PTP4A1: variants seen among roughly 807,000 people sequenced by gnomAD.
PTP4A1 encodes protein tyrosine phosphatase type IVA 1.
PTP4A1 carries 9 observed loss-of-function variants against 20.5 expected under a neutral mutation model. That is an observed-to-expected ratio of 0.44 (90% CI 0.26 to 0.77). PTP4A1 has a LOEUF of 0.77. Ranked by LOEUF, PTP4A1 falls within the 30% of genes least tolerant of loss-of-function variation. The probability of loss-of-function intolerance (pLI) is 0.19; values close to 1 mark genes in which losing one functional copy is unlikely to be tolerated. For missense variants in PTP4A1, 137 were observed against 218.8 expected (o/e 0.63, Z 2.36); for synonymous variants, 78 against 67.4 (o/e 1.16, Z -0.77).
upstream of PTP4A1, among the ~76,000 whole-genome samples, chr6:63,517,170 A>G (rs556129818): frequency 8.2e-4 from 125 of 152,316 alleles, no homozygotes; most frequent in Admixed American, 1.2e-3. Flanking sequence ...AAACAAGGAT[A>G]ATATTATGGT....
chr6:63,534,253 C>A (rs773543146), intron 2 of PTP4A1, among the ~76,000 whole-genome samples: 3 of 152,108 alleles, frequency 2.0e-5, no homozygotes, highest in Non-Finnish European at 4.4e-5. Context: ...CATGGTTTAA[C>A]AGTGTAACTG....
At chr6:63,565,277 A>G (rs1169710814) in intron 3 of PTP4A1, among the ~76,000 whole-genome samples, 1 of 152,078 alleles carries the variant, frequency 6.6e-6, no homozygotes, top group Non-Finnish European at 1.5e-5. Context: ...AGTAAATACT[A>G]TATTAAGCGG....
At position 63,581,823 on chromosome 6, in the gene PTP4A1, A is replaced by G. The variant is rs891938529; in HGVS notation, c.*1649A>G. 1 of 152,176 alleles carries G rather than the reference A, an allele frequency of 6.6e-6. No homozygotes were observed. The highest frequency in any genetic ancestry group is 2.4e-5 in the African/African-American group (1 of 41,460). 9.4% of individuals were successfully genotyped at this position (152,176 alleles called of 1,614,324 possible). On this transcript the variant is annotated 3_prime_UTR_variant, in exon 6 of 6. Transcript: ENST00000626021. ...TGCAAATTAATAATTACATACCTTTATAGATTTTGAAATTAATTTAAATAT... is the reference window on the plus strand; with the variant it reads ...TGCAAATTAATAATTACATACCTTTGTAGATTTTGAAATTAATTTAAATAT...
intron 3 of PTP4A1, among the ~76,000 whole-genome samples, chr6:63,555,692 C>A (rs368608952): frequency 1.9e-3 from 263 of 135,014 alleles, no homozygotes; most frequent in African/African-American, 7.0e-3. Context: ...CAATTACACT[C>A]TTTTTTTTTT....
chr6:63,570,755 T>C (rs936602777), upstream of PTP4A1, among the ~76,000 whole-genome samples: 2 of 152,270 alleles, frequency 1.3e-5, no homozygotes, highest in Non-Finnish European at 2.9e-5. Flanking sequence ...ATATGTGCTT[T>C]TTAACTACAC....
At chr6:63,579,189 T>C (rs1778061990) in intron 4 of PTP4A1, 68 bp from the exon 5 acceptor site, 1 of 1,502,498 alleles carries the variant, frequency 6.7e-7, no homozygotes, top group Non-Finnish European at 9.1e-7. Flanking sequence ...TTGGGGAATG[T>C]TTGGAGAAAT....
At chr6:63,519,987 G>C (rs1270730465), upstream of PTP4A1, among the ~76,000 whole-genome samples, 1 of 152,178 alleles carries the variant, frequency 6.6e-6, no homozygotes, top group African/African-American at 2.4e-5. Context: ...GTATAAACCT[G>C]TAGACTGATT....
chr6:63,578,674 A>G, intron 3 of PTP4A1, 145 bp downstream of exon 3: 10 of 1,302,144 alleles, frequency 7.7e-6, no homozygotes, highest in Non-Finnish European at 1.0e-5. Context: ...CAGAATCTTA[A>G]TTTCTAAATA....
In PTP4A1 at chr6:63,583,305, CTTAAA is replaced by C. The variant is rs750167521; in HGVS notation, c.*3136_*3140del. 7 of 152,152 alleles carry C rather than the reference CTTAAA, an allele frequency of 4.6e-5. No homozygotes were observed. Among genetic ancestry groups the C allele is most frequent in the Admixed American group, 1.3e-4 (2 of 15,268 alleles). 9.4% of individuals were successfully genotyped at this position (152,152 alleles called of 1,614,324 possible). On this transcript the variant is annotated 3_prime_UTR_variant, in exon 6 of 6. Transcript: ENST00000626021. ...TGTTAATATTCTACATTCTTGCTTC[CTTAAA>C]TTAATATGTTTGTGTGTATATATGT... is the stretch of plus-strand genomic sequence containing the variant.
chr6:63,552,794 C>A (rs1047790560), intron 3 of PTP4A1, among the ~76,000 whole-genome samples: 1 of 152,132 alleles, frequency 6.6e-6, no homozygotes, highest in South Asian at 2.1e-4. Flanking sequence ...AATAGGGAAA[C>A]CTTTCCCCAT....
chr6:63,574,666 C>T (rs2149511919), intron 1 of PTP4A1, among the ~76,000 whole-genome samples: 1 of 152,138 alleles, frequency 6.6e-6, no homozygotes, highest in South Asian at 2.1e-4. Context: ...GAAATACTGC[C>T]TCAAATTAGC....
chr6:63,552,231 G>C (rs1776480257), intron 3 of PTP4A1, among the ~76,000 whole-genome samples: 1 of 152,324 alleles, frequency 6.6e-6, no homozygotes, highest in South Asian at 2.1e-4. Context: ...CATTCTAACT[G>C]GTGTGAGATG....
chr6:63,538,069 A>G (rs1775798893), intron 2 of PTP4A1, among the ~76,000 whole-genome samples: 1 of 152,262 alleles, frequency 6.6e-6, no homozygotes, highest in African/African-American at 2.4e-5. Context: ...TTATTTTGCA[A>G]AATAGTGGGA....
intron 2 of PTP4A1, among the ~76,000 whole-genome samples, chr6:63,535,245 A>G (rs952631490): frequency 6.6e-6 from 1 of 152,154 alleles, no homozygotes; most frequent in African/African-American, 2.4e-5. Context: ...AGGGCAAATC[A>G]CTTGAGGCCA....
At chr6:63,556,917 C>T (rs1261789062) in intron 3 of PTP4A1, among the ~76,000 whole-genome samples, 1 of 152,192 alleles carries the variant, frequency 6.6e-6, no homozygotes, top group Non-Finnish European at 1.5e-5. Context: ...ATTTCATCCT[C>T]TAATCTCATT....
chr6:63,556,779 A>C (rs1225429293), intron 3 of PTP4A1, among the ~76,000 whole-genome samples: 1 of 152,256 alleles, frequency 6.6e-6, no homozygotes, highest in Non-Finnish European at 1.5e-5. Context: ...ACAGTAACGT[A>C]AAAGTGAGTT....
At chr6:63,523,732 G>A (rs942571418) in intron 1 of PTP4A1, among the ~76,000 whole-genome samples, 5 of 151,800 alleles carry the variant, frequency 3.3e-5, no homozygotes, top group African/African-American at 7.3e-5. Context: ...CTTTTTTTGC[G>A]ATTTTTTTAA....
chr6:63,529,389 A>T (rs1048779434), intron 2 of PTP4A1, among the ~76,000 whole-genome samples: 1 of 151,164 alleles, frequency 6.6e-6, no homozygotes, highest in African/African-American at 2.5e-5. Flanking sequence ...ACATCAATTC[A>T]AGCAGAAACT....
intron 3 of PTP4A1, among the ~76,000 whole-genome samples, chr6:63,555,850 T>C (rs1373250354): frequency 3.3e-5 from 5 of 151,944 alleles, no homozygotes; most frequent in Non-Finnish European, 7.4e-5. Context: ...TGTACCAGAA[T>C]ACCCAGCTAA....
Sources: allele counts gnomAD v4.1 joint callset (sites outside exome capture counted in the v4.1 genomes callset), GRCh38; gene constraint gnomAD v4.1.1; transcripts MANE v1.5; gene names NCBI Gene and HGNC (gene_info 2026-07-23, HGNC 2026-07-21).